The following SHOC1 variants were observed in gnomAD, a reference collection of about 807,000 sequenced individuals.
SHOC1 encodes the protein shortage in chiasmata 1.
Under a neutral mutation model 179.2 loss-of-function variants are expected in SHOC1, and 136 were observed. The observed-to-expected ratio is 0.76, with a 90% CI of 0.66 to 0.87. SHOC1 has a LOEUF of 0.87. Among genes scored for constraint, SHOC1 ranks in the 40% least tolerant of loss-of-function variants. The pLI is 0.00. For missense variants in SHOC1, 1,538 were observed against 1,700.8 expected (o/e 0.90, Z 1.68); for synonymous variants, 489 against 586.6 (o/e 0.83, Z 2.41).
chr9:111,741,661 T>C, intron 10 of SHOC1, 91 bp from the exon 11 acceptor site: 1 of 615,096 alleles, frequency 1.6e-6, no homozygotes, highest in South Asian at 2.9e-5. Context: ...TGAGGCAGAG[T>C]CTCGCTCTGT....
At chr9:111,708,027 T>C (rs2131364641) in intron 18 of SHOC1, 103 bp from the exon 19 acceptor site, 1 of 603,602 alleles carries the variant, frequency 1.7e-6, no homozygotes, top group Middle Eastern at 4.7e-4. Context: ...AATCTGTGAA[T>C]AACAAAACTG....
In SHOC1 at chr9:111,722,634, C is replaced by T. The variant is rs186893054; in HGVS notation, c.1955-49G>A. 4.7e-6 allele frequency: 7 copies of T among 1,485,980 alleles called. No individual in the cohort carries two copies. The East Asian group carries it at 1.4e-4, about 30-fold the overall frequency. 92.0% of individuals were successfully genotyped at this position (1,485,980 alleles called of 1,614,324 possible). ...GCAGTGTTTTAATAAAGATGGTATG[C>T]TCTTTTTGATGAACCAATTAAATGT... On this transcript the variant is annotated intron_variant, in intron 14 of 27. Coordinates refer to ENST00000682961, the MANE Select transcript of SHOC1 (RefSeq NM_001378211.1).
intron 21 of SHOC1, 61 bp from the exon 22 acceptor site, chr9:111,704,053 G>T: frequency 1.2e-6 from 1 of 851,226 alleles, no homozygotes; most frequent in Non-Finnish European, 1.9e-6. Context: ...TTTAAGAAAA[G>T]TTGTAGTTCC....
intron 24 of SHOC1, among the ~76,000 whole-genome samples, chr9:111,697,485 T>G (rs1329251147): frequency 1.3e-5 from 2 of 152,124 alleles, no homozygotes; most frequent in Non-Finnish European, 2.9e-5. Context: ...AATGATGGTT[T>G]CCAGCTTCAT....
chr9:111,765,665 C>G (rs1211330909), intron 5 of SHOC1, among the ~76,000 whole-genome samples: 1 of 152,070 alleles, frequency 6.6e-6, no homozygotes, highest in Non-Finnish European at 1.5e-5. Flanking sequence ...TTCCATCTTT[C>G]TTTTTGTATT....
At chr9:111,747,805 G>A (rs1432688115) in intron 9 of SHOC1, among the ~76,000 whole-genome samples, 1 of 152,114 alleles carries the variant, frequency 6.6e-6, no homozygotes, top group Non-Finnish European at 1.5e-5. Context: ...GGCTGGTCTT[G>A]AACTCTTGAT....
chr9:111,723,834 GATTT>G lies in SHOC1; in HGVS notation c.1908_1911del (p.Asn637ArgfsTer32), dbSNP rs1340358497. On this transcript the variant is annotated frameshift_variant, in exon 14 of 28. Transcript: ENST00000682961. LOFTEE classifies it high-confidence loss of function. Reference sequence around the variant, plus strand: ...ATGACACTATCTGTTCCCCTTTCCTGATTTATTTCCTCCAGGGTTTTATTAATAT... The same window carrying G: ...ATGACACTATCTGTTCCCCTTTCCTGATTTCCTCCAGGGTTTTATTAATAT... 4 of 1,610,880 alleles carry G rather than the reference GATTT, an allele frequency of 2.5e-6. No homozygotes were observed. The African/African-American group carries it at 5.3e-5, about 22-fold the overall frequency.
chr9:111,785,971 T>C lies in SHOC1; in HGVS notation c.110A>G (p.Gln37Arg). The change falls in exon 3 of 28, where the codon CAA becomes CGA. Residue 37 changes from glutamine to arginine, a missense_variant. Transcript: ENST00000682961. ...LLLRIPSCLY[Q>R]DESYHVAVTD... ...AACTGCTACATGGTAACTTTCATCT[T>C]GATATAAACATGAAGGGATTCGAAG... 1 of 1,531,000 alleles carries C rather than the reference T, an allele frequency of 6.5e-7. No homozygotes were observed. Among genetic ancestry groups the C allele is most frequent in the Non-Finnish European group, 8.8e-7 (1 of 1,138,734 alleles). The allele number at this position is 1,531,000 out of a possible 1,614,324, so 94.8% of individuals were successfully genotyped here. A position where few individuals can be genotyped will look rare whatever the true frequency, so the allele number is the denominator to read the frequency against.
At chr9:111,766,409 A>G (rs904723628) in intron 5 of SHOC1, among the ~76,000 whole-genome samples, 2 of 152,114 alleles carry the variant, frequency 1.3e-5, no homozygotes, top group Admixed American at 6.5e-5. Context: ...CAGAAGTGGA[A>G]CTGCTGGATC....
chr9:111,695,009 A>G (rs367686058), intron 24 of SHOC1, among the ~76,000 whole-genome samples: 9 of 152,106 alleles, frequency 5.9e-5, no homozygotes, highest in African/African-American at 1.9e-4. Context: ...TAAGGAAAAA[A>G]AGTACAGAAA....
intron 8 of SHOC1, among the ~76,000 whole-genome samples, chr9:111,751,659 G>A (rs866065068): frequency 6.6e-6 from 1 of 151,992 alleles, no homozygotes; most frequent in Non-Finnish European, 1.5e-5. Flanking sequence ...CTTAGAGATC[G>A]CTAAGATCTT....
At chr9:111,763,552 T>C (rs1338227826) in intron 5 of SHOC1, among the ~76,000 whole-genome samples, 6 of 152,102 alleles carry the variant, frequency 3.9e-5, no homozygotes, top group African/African-American at 1.4e-4. Context: ...TAATCTGGAA[T>C]CTATAACTAG....
At chr9:111,735,912 A>G (rs912564768) in intron 12 of SHOC1, among the ~76,000 whole-genome samples, 2 of 152,176 alleles carry the variant, frequency 1.3e-5, no homozygotes, top group Non-Finnish European at 2.9e-5. Flanking sequence ...CATTGGTACC[A>G]CATTTTCTTT....
intron 5 of SHOC1, chr9:111,759,614 GA>G: frequency 1.0e-6 from 1 of 994,004 alleles, no homozygotes; most frequent in East Asian, 9.0e-5. Flanking sequence ...AGTAGAAAGA[GA>G]AAAAGAAAAA....
intron 5 of SHOC1, among the ~76,000 whole-genome samples, chr9:111,768,028 C>T (rs1426105738): frequency 6.6e-6 from 1 of 150,590 alleles, no homozygotes; most frequent in Non-Finnish European, 1.5e-5. Flanking sequence ...TTATATCTTT[C>T]CTTTTTTGTG....
At chr9:111,731,464 C>T (rs1196050974) in intron 12 of SHOC1, among the ~76,000 whole-genome samples, 1 of 152,064 alleles carries the variant, frequency 6.6e-6, no homozygotes, top group African/African-American at 2.4e-5. Context: ...CGTTGTGTCT[C>T]GACAGACATA....
At position 111,692,399 on chromosome 9, in the gene SHOC1, T is replaced by C. The variant is rs1831485698; in HGVS notation, c.3578A>G (p.Gln1193Arg). Residue 1193 changes from glutamine to arginine, a missense_variant, in exon 27 of 28, where the codon CAA becomes CGA. Coordinates refer to ENST00000682961, the MANE Select transcript of SHOC1 (RefSeq NM_001378211.1). ...AGAGTCTAAATCAGAAGCTGAACTT[T>C]GAGAAGACAAGGTACTAATCTGATT... is the stretch of plus-strand genomic sequence containing the variant. ...NRNQISTLSS[Q>R]SSASDLDSVI... is the part of the protein sequence containing the mutation. 9 of 1,613,580 alleles carry C rather than the reference T, an allele frequency of 5.6e-6. No individual in the cohort carries two copies. The highest frequency in any genetic ancestry group is 7.6e-6 in the Non-Finnish European group (9 of 1,179,822).
intron 10 of SHOC1, among the ~76,000 whole-genome samples, chr9:111,741,969 T>A (rs1834063761): frequency 6.6e-6 from 1 of 152,148 alleles, no homozygotes; most frequent in Non-Finnish European, 1.5e-5. Context: ...TAAAGTACTT[T>A]TACACTCAAA....
intron 5 of SHOC1, among the ~76,000 whole-genome samples, chr9:111,759,918 G>A (rs192304602): frequency 9.3e-4 from 142 of 152,276 alleles, no homozygotes; most frequent in Admixed American, 1.8e-3. Flanking sequence ...CTGAACTTAA[G>A]TTCCTGACAA....
Sources: allele counts gnomAD v4.1 joint callset (sites outside exome capture counted in the v4.1 genomes callset), GRCh38; gene constraint gnomAD v4.1.1; transcripts MANE v1.5; gene names NCBI Gene and HGNC (gene_info 2026-07-23, HGNC 2026-07-21).